SCN4B: variants seen among roughly 807,000 people sequenced by gnomAD.
SCN4B encodes sodium channel regulatory subunit beta-4.
A neutral mutation model predicts 19.6 loss-of-function variants in SCN4B; 20 were observed. The ratio of observed to expected loss-of-function variants is 1.02; its 90% CI spans 0.72 to 1.48. The LOEUF is 1.48. Ranked by LOEUF, SCN4B falls within the 40% of genes most tolerant of loss-of-function variation. The pLI is 0.00. For synonymous variants in SCN4B, 127 were observed against 122.8 expected (o/e 1.03, Z -0.22); for missense variants, 271 against 287.5 (o/e 0.94, Z 0.42).
intron 4 of SCN4B, among the ~76,000 whole-genome samples, chr11:118,137,943 T>G (rs1172749339): frequency 1.3e-5 from 2 of 152,086 alleles, no homozygotes; most frequent in African/African-American, 4.8e-5. Flanking sequence ...GGCAGTGGGT[T>G]TGGCTTCAAG....
rs892601196 is a variant in SCN4B, at chr11:118,148,364, G to A, written c.62-3135C>T. On this transcript the variant is annotated intron_variant, in intron 1 of 4. Coordinates refer to ENST00000324727, the MANE Select transcript of SCN4B (RefSeq NM_174934.4). The surrounding 1 kb of genome is among the most constrained non-coding windows in gnomAD (Gnocchi z 4.0). ...TCAGTGTCTCCTATGAGGCTGCTCT[G>A]GGGGAGAGGGGGGAACCAGGGGCAG... 6.6e-6 allele frequency among the ~76,000 whole-genome samples: 1 copy of A among 152,188 alleles called. No individual in the cohort carries two copies. The highest frequency in any genetic ancestry group is 6.5e-5 in the Admixed American group (1 of 15,280).
At chr11:118,150,716 C>G (rs1247477020) in intron 1 of SCN4B, among the ~76,000 whole-genome samples, 1 of 152,160 alleles carries the variant, frequency 6.6e-6, no homozygotes, top group Non-Finnish European at 1.5e-5. Context: ...TCTGATGTTC[C>G]CAGGGAACAC....
In SCN4B at chr11:118,134,611, A is replaced by G. The variant is rs1947968395; in HGVS notation, c.*2416T>C. On this transcript the variant is annotated 3_prime_UTR_variant, in exon 5 of 5. Coordinates refer to ENST00000324727, the MANE Select transcript of SCN4B (RefSeq NM_174934.4). Reference sequence around the variant, plus strand: ...CCATCAAACAAAAGCCATGGACAAGAAGCTTTAAGCATCAGAGTCAAGGTT... The same window carrying G: ...CCATCAAACAAAAGCCATGGACAAGGAGCTTTAAGCATCAGAGTCAAGGTT... 1 of 454,002 alleles carries G rather than the reference A, an allele frequency of 2.2e-6. No homozygotes were observed. The highest frequency in any genetic ancestry group is 4.4e-6 in the Non-Finnish European group (1 of 226,806). 28.1% of individuals were successfully genotyped at this position (454,002 alleles called of 1,614,324 possible). A position where few individuals can be genotyped will look rare whatever the true frequency, so the allele number is the denominator to read the frequency against.
chr11:118,134,128 T>A lies in SCN4B; in HGVS notation c.*2899A>T, dbSNP rs776255559. 6 of 454,396 alleles carry A rather than the reference T, an allele frequency of 1.3e-5. No homozygotes were observed. Among genetic ancestry groups the A allele is most frequent in the South Asian group, 9.3e-5 (6 of 64,484 alleles). The allele number at this position is 454,396 out of a possible 1,614,324, so 28.1% of individuals were successfully genotyped here. On this transcript the variant is annotated 3_prime_UTR_variant, in exon 5 of 5. Transcript: ENST00000324727. Reference sequence around the variant, plus strand: ...CATATGTAGTCTGAGCCCCATCGGCTGCTCTCCCCAGGCCTCTCTAACATC... The same window carrying A: ...CATATGTAGTCTGAGCCCCATCGGCAGCTCTCCCCAGGCCTCTCTAACATC...
rs529905246 is a variant in SCN4B, at chr11:118,148,077, A to G, written c.62-2848T>C. ...GTTTCTGCCTGGTTTGTGTGCACCT[A>G]TGTGGATGACTTAAGTCCAATACAC... is the stretch of plus-strand genomic sequence containing the variant. On this transcript the variant is annotated intron_variant, in intron 1 of 4. Coordinates refer to ENST00000324727, the MANE Select transcript of SCN4B (RefSeq NM_174934.4). This position sits in a 1 kb window ranked among gnomAD's most constrained non-coding sequence, Gnocchi z 4.0. Among the ~76,000 whole-genome samples, 2 of 152,390 alleles carry G rather than the reference A, an allele frequency of 1.3e-5. No individual in the cohort carries two copies. The highest frequency in any genetic ancestry group is 4.8e-5 in the African/African-American group (2 of 41,590).
At chr11:118,137,625 C>T (rs1436318156) in intron 4 of SCN4B, among the ~76,000 whole-genome samples, 4 of 152,136 alleles carry the variant, frequency 2.6e-5, no homozygotes, top group Non-Finnish European at 5.9e-5. Flanking sequence ...GAGCTGAGAT[C>T]GTGCCACTGC....
intron 2 of SCN4B, among the ~76,000 whole-genome samples, chr11:118,144,295 G>A (rs1948140329): frequency 6.6e-6 from 1 of 152,050 alleles, no homozygotes; most frequent in Admixed American, 6.6e-5. Flanking sequence ...CTTTTATTAA[G>A]GTCTCCCTGG....
At chr11:118,149,858 C>T (rs1363869656) in intron 1 of SCN4B, among the ~76,000 whole-genome samples, 1 of 152,178 alleles carries the variant, frequency 6.6e-6, no homozygotes, top group East Asian at 1.9e-4. Context: ...TTTGGAACTC[C>T]AGCCTTCTCT....
At position 118,145,140 on chromosome 11, in the gene SCN4B, G is replaced by C; in HGVS notation, c.151C>G (p.Leu51Val). The C allele has an allele frequency of 6.2e-7, 1 of 1,614,202 alleles. No homozygotes were observed. The highest frequency in any genetic ancestry group is 8.5e-7 in the Non-Finnish European group (1 of 1,180,036). ...AAGCAGCTGGAGAAGGTGCAGGGCA[G>C]CAGGATCTCCGTGCCATTGACAGCG... The part of the protein sequence containing the change: ...IYAVNGTEIL[L>V]PCTFSSCFGF... The change falls in exon 2 of 5, where the codon CTG becomes GTG. Residue 51 changes from leucine (L) to valine (V), a missense_variant. Coordinates refer to ENST00000324727, the MANE Select transcript of SCN4B (RefSeq NM_174934.4).
rs3837425 is a variant in SCN4B at position 118,151,122 on chromosome 11, GCACACACA to G, written c.61+1483_61+1490del. ...TGCCTACAATCCCCCTTACACACGT[GCACACACA>G]CACACACACACACACACACACATCA... On this transcript the variant is annotated intron_variant, in intron 1 of 4. Coordinates refer to ENST00000324727, the MANE Select transcript of SCN4B (RefSeq NM_174934.4). Among the ~76,000 whole-genome samples the G allele has an allele frequency of 3.9e-3, 582 of 149,104 alleles. 3 individuals are homozygous for G. The highest frequency in any genetic ancestry group is 0.011 in the African/African-American group (455 of 40,554).
chr11:118,146,250 G>A (rs1948174173), intron 1 of SCN4B, among the ~76,000 whole-genome samples: 1 of 152,158 alleles, frequency 6.6e-6, no homozygotes, highest in South Asian at 2.1e-4. Flanking sequence ...TCCACTCACG[G>A]CCTCCAAACT....
In SCN4B at chr11:118,145,192, C is replaced by T; in HGVS notation, c.99G>A (p.Val33=). ...FLLPVTLSLE[V]SVGKATDIYA... ...AGATGTCGGTGGCCTTTCCCACAGA[C>T]ACCTCCAGCGACAGGGTTACGGGGA... The change falls in exon 2 of 5, where the codon GTG becomes GTA. Residue 33 remains valine (V), a synonymous_variant. Transcript: ENST00000324727. The T allele has an allele frequency of 6.2e-7, 1 of 1,604,330 alleles. No homozygotes were observed. The highest frequency in any genetic ancestry group is 8.5e-7 in the Non-Finnish European group (1 of 1,176,066).
rs555338665 is a variant in SCN4B, at chr11:118,133,910, A to G, written c.*3117T>C. 3.7e-4 allele frequency: 168 copies of G among 454,426 alleles called. 1 individual carries two copies. Among genetic ancestry groups the G allele is most frequent in the Non-Finnish European group, 6.4e-4 (145 of 226,782 alleles). 28.1% of individuals were successfully genotyped at this position (454,426 alleles called of 1,614,324 possible). ...ACAGGCATAGCTCAGGCCAAGAAAG[A>G]CGGCTCCTCAAATGTCCAGCATCTG... On this transcript the variant is annotated 3_prime_UTR_variant, in exon 5 of 5. Coordinates refer to ENST00000324727, the MANE Select transcript of SCN4B (RefSeq NM_174934.4).
intron 1 of SCN4B, chr11:118,145,658 C>G: frequency 2.9e-6 from 1 of 342,468 alleles, no homozygotes. Context: ...GTACGCGCCT[C>G]TCGCCAGGTT....
At chr11:118,141,066 G>T in intron 4 of SCN4B, 141 bp downstream of exon 4, 2 of 886,958 alleles carry the variant, frequency 2.3e-6, no homozygotes, top group Non-Finnish European at 1.9e-6. Context: ...GATGGGGAGG[G>T]GGTGGCAGGG....
At position 118,148,648 on chromosome 11, in the gene SCN4B, T is replaced by C. The variant is rs1591438374; in HGVS notation, c.62-3419A>G. ...TGGGCACCCTGCAGGTAGAGGAGGGTGGTATTTGAAAGGGGAGCAGGGGAC... is the reference window on the plus strand; with the variant it reads ...TGGGCACCCTGCAGGTAGAGGAGGGCGGTATTTGAAAGGGGAGCAGGGGAC... On this transcript the variant is annotated intron_variant, in intron 1 of 4. Coordinates refer to ENST00000324727, the MANE Select transcript of SCN4B (RefSeq NM_174934.4). The surrounding 1 kb of genome is among the most constrained non-coding windows in gnomAD (Gnocchi z 4.0). Among the ~76,000 whole-genome samples the C allele has an allele frequency of 6.6e-6, 1 of 151,302 alleles. No homozygotes were observed. The highest frequency in any genetic ancestry group is 2.4e-5 in the African/African-American group (1 of 41,046).
chr11:118,134,854 T>C lies in SCN4B; in HGVS notation c.*2173A>G, dbSNP rs552004994. 3.1e-5 allele frequency: 14 copies of C among 454,096 alleles called. No homozygotes were observed. Among genetic ancestry groups the C allele is most frequent in the African/African-American group, 2.2e-4 (11 of 50,118 alleles). The allele number at this position is 454,096 out of a possible 1,614,324, so 28.1% of individuals were successfully genotyped here. A position where few individuals can be genotyped will look rare whatever the true frequency, so the allele number is the denominator to read the frequency against. ...AACTTGCCAAGCCTCACAACAGTCC[T>C]GTGAGGTAGGTAAGTATTATTACAC... On this transcript the variant is annotated 3_prime_UTR_variant, in exon 5 of 5. Transcript: ENST00000324727.
At position 118,136,042 on chromosome 11, in the gene SCN4B, G is replaced by GC. The variant is rs1565452469; in HGVS notation, c.*984_*985insG. On this transcript the variant is annotated 3_prime_UTR_variant, in exon 5 of 5. Transcript: ENST00000324727. ...GGGCGTGATGGAGGGCACGGTGGGG[G>GC]GGGGGGAGCGAGCCAATGGGAGGTT... 1.1e-5 allele frequency: 5 copies of GC among 436,432 alleles called. No homozygotes were observed. Among genetic ancestry groups the GC allele is most frequent in the African/African-American group, 1.0e-4 (5 of 49,246 alleles). 27.0% of individuals were successfully genotyped at this position (436,432 alleles called of 1,614,324 possible).
At chr11:118,147,161 A>G (rs961395338) in intron 1 of SCN4B, among the ~76,000 whole-genome samples, 1 of 152,178 alleles carries the variant, frequency 6.6e-6, no homozygotes, top group African/African-American at 2.4e-5. Context: ...GTGCGAGAGG[A>G]TTTGTGCATA....
Sources: allele counts gnomAD v4.1 joint callset (sites outside exome capture counted in the v4.1 genomes callset), GRCh38; gene constraint gnomAD v4.1.1; non-coding constraint Gnocchi (gnomAD v3.1); transcripts MANE v1.5; gene names NCBI Gene and HGNC (gene_info 2026-07-23, HGNC 2026-07-21).